ANKRD10: variants seen among roughly 807,000 people sequenced by gnomAD.
ANKRD10 encodes the protein ankyrin repeat domain 10.
ANKRD10 carries 14 observed loss-of-function variants against 27.0 expected under a neutral mutation model. The ratio of observed to expected loss-of-function variants is 0.52; its 90% CI spans 0.34 to 0.81. The LOEUF (loss-of-function observed/expected upper bound fraction) is 0.81, where lower values mean the gene tolerates loss of function less well. ANKRD10 is among the 40% of genes least tolerant of loss of function. The pLI, the probability that ANKRD10 is intolerant of heterozygous loss-of-function variation, is 0.01. For synonymous variants in ANKRD10, 250 were observed against 224.5 expected, an observed-to-expected ratio of 1.11 and a Z score of -1.01; for missense variants, 493 against 544.0, an observed-to-expected ratio of 0.91 and a Z score of 0.93.
intron 1 of ANKRD10, among the ~76,000 whole-genome samples, chr13:110,912,393 G>T (rs1257850450): frequency 1.3e-5 from 2 of 152,174 alleles, no homozygotes. Context: ...CTTGGACCTG[G>T]GAGTAAAGGC....
chr13:110,886,628 AG>A (rs2064937577), intron 4 of ANKRD10, among the ~76,000 whole-genome samples: 1 of 152,194 alleles, frequency 6.6e-6, no homozygotes, highest in African/African-American at 2.4e-5. Flanking sequence ...CAAAATTTTA[AG>A]AACATTGGAT....
chr13:110,914,113 G>A (rs1443927454), intron 1 of ANKRD10, among the ~76,000 whole-genome samples: 1 of 152,242 alleles, frequency 6.6e-6, no homozygotes, highest in African/African-American at 2.4e-5. Context: ...AGAAGCTGGA[G>A]AGCCGGCCTC....
intron 2 of ANKRD10, 74 bp downstream of exon 2, chr13:110,910,544 A>T: frequency 6.4e-7 from 1 of 1,555,300 alleles, no homozygotes; most frequent in Non-Finnish European, 8.7e-7. Context: ...CTCGATTTAA[A>T]GCAATACCGT....
intron 4 of ANKRD10, among the ~76,000 whole-genome samples, chr13:110,890,666 T>C (rs1240863199): frequency 6.6e-6 from 1 of 152,220 alleles, no homozygotes; most frequent in African/African-American, 2.4e-5. Context: ...ACTGTGTACC[T>C]GCAACAGTGG....
chr13:110,894,403 CAAAAA>C (rs5806877), intron 3 of ANKRD10: 19 of 62,706 alleles, frequency 3.0e-4, no homozygotes, highest in South Asian at 1.9e-3. Flanking sequence ...ACTGTTAATG[CAAAAA>C]AAAAAAAAAA....
At chr13:110,913,860 G>GA (rs1352496554) in intron 1 of ANKRD10, among the ~76,000 whole-genome samples, 4 of 152,082 alleles carry the variant, frequency 2.6e-5, no homozygotes, top group Middle Eastern at 3.4e-3. Flanking sequence ...AGATTTCTGA[G>GA]AGCAAGTACC....
intron 5 of ANKRD10, among the ~76,000 whole-genome samples, chr13:110,881,326 A>G (rs2064812484): frequency 6.6e-6 from 1 of 152,226 alleles, no homozygotes; most frequent in African/African-American, 2.4e-5. Flanking sequence ...GACTCTTCCC[A>G]TAGAGGGCTT....
intron 4 of ANKRD10, among the ~76,000 whole-genome samples, chr13:110,889,828 A>G (rs2065028797): frequency 1.3e-5 from 2 of 152,206 alleles, no homozygotes; most frequent in South Asian, 2.1e-4. Context: ...AAAAGCATCA[A>G]TATTTGTAAC....
intron 3 of ANKRD10, among the ~76,000 whole-genome samples, chr13:110,902,546 ACTT>A (rs2065414306): frequency 2.0e-5 from 3 of 152,186 alleles, no homozygotes; most frequent in Admixed American, 1.3e-4. Context: ...GGCAAGAGAG[ACTT>A]TTCTAGAGTG....
At chr13:110,891,373 A>T (rs2065068159) in intron 4 of ANKRD10, among the ~76,000 whole-genome samples, 1 of 152,216 alleles carries the variant, frequency 6.6e-6, no homozygotes, top group Admixed American at 6.5e-5. Context: ...CATCACCATT[A>T]AAAAAGACCA....
intron 3 of ANKRD10, 50 bp downstream of exon 3, chr13:110,905,983 A>C (rs1325089348): frequency 6.7e-7 from 1 of 1,500,330 alleles, no homozygotes; most frequent in South Asian, 1.2e-5. Flanking sequence ...TTTAAACAAA[A>C]CATCCTCAAC....
At chr13:110,904,297 G>A (rs946117149) in intron 3 of ANKRD10, 6 of 152,164 alleles carry the variant, frequency 3.9e-5, no homozygotes, top group Non-Finnish European at 7.3e-5. Flanking sequence ...ACTGGCACCT[G>A]AGCCCATCTC....
chr13:110,892,438 G>GAAAAAAAAAAAAAAA (rs2065105005), intron 4 of ANKRD10, among the ~76,000 whole-genome samples: 1 of 11,092 alleles, frequency 9.0e-5, no homozygotes, highest in African/African-American at 3.3e-4. Flanking sequence ...AAAAAAAAAT[G>GAAAAAAAAAAAAAAA]GTGGGAGAAT....
At chr13:110,895,246 G>A (rs2065196091) in intron 3 of ANKRD10, 1 of 152,140 alleles carries the variant, frequency 6.6e-6, no homozygotes, top group South Asian at 2.1e-4. Flanking sequence ...GTGGACCAGA[G>A]AATAAAAAAG....
rs375297537 is a variant in ANKRD10, at chr13:110,906,127, G to C, written c.364-3C>G. The C allele has an allele frequency of 6.0e-5, 95 of 1,591,936 alleles. No homozygotes were observed. Among genetic ancestry groups the C allele is most frequent in the Non-Finnish European group, 8.0e-5 (93 of 1,168,754 alleles). The stretch of plus-strand genomic sequence containing the variant: ...ATGGGAGTTTCACCCTCACAATCCT[G>C]AAACAACAAAAAGCAAAATATACAC... On this transcript the variant is annotated splice_region_variant and splice_polypyrimidine_tract_variant and intron_variant, in intron 2 of 5. Coordinates refer to ENST00000267339, the MANE Select transcript of ANKRD10 (RefSeq NM_017664.4).
intron 1 of ANKRD10, among the ~76,000 whole-genome samples, chr13:110,914,171 TCCTCGGCTGAGCTCGTCCGCAGCGCGGC>T (rs1212810303): frequency 3.9e-5 from 6 of 152,162 alleles, no homozygotes; most frequent in Non-Finnish European, 8.8e-5. Flanking sequence ...GGGCGCTTGC[TCCTCGGCTGAGCTCGTCCGCAGCGCGGC>T]CCTCGGCTAC....
At chr13:110,885,372 GAATA>G (rs932320148) in intron 4 of ANKRD10, among the ~76,000 whole-genome samples, 2 of 152,018 alleles carry the variant, frequency 1.3e-5, no homozygotes, top group African/African-American at 2.4e-5. Context: ...CCAACATGCT[GAATA>G]AATACTACTA....
chr13:110,882,989 A>G (rs1010472253), intron 5 of ANKRD10, among the ~76,000 whole-genome samples: 1 of 152,260 alleles, frequency 6.6e-6, no homozygotes, highest in Non-Finnish European at 1.5e-5. Context: ...ATCATTTTAG[A>G]TATTCTAAAT....
At chr13:110,908,398 G>C (rs886319482) in intron 2 of ANKRD10, among the ~76,000 whole-genome samples, 29 of 152,120 alleles carry the variant, frequency 1.9e-4, no homozygotes, top group Admixed American at 1.6e-3. Flanking sequence ...CGAGAACACA[G>C]GCCTCTAGGC....
Sources: gnomAD v4.1 joint callset for allele counts (sites outside exome capture counted in the v4.1 genomes callset) on GRCh38, gnomAD v4.1.1 for gene constraint, MANE v1.5 for transcripts, NCBI Gene and HGNC (gene_info 2026-07-23, HGNC 2026-07-21) for gene names.